Variants in MAGI1 observed in about 807,000 individuals in gnomAD.
The protein encoded by MAGI1 is membrane associated guanylate kinase, WW and PDZ domain containing 1.
A neutral mutation model predicts 139.9 loss-of-function variants in MAGI1; 58 were observed. That is an observed-to-expected ratio of 0.41 (90% CI 0.34 to 0.52). MAGI1 has a LOEUF of 0.52. Ranked by LOEUF, MAGI1 falls within the 20% of genes least tolerant of loss-of-function variation. The pLI is 0.12. For missense variants in MAGI1, 1,874 were observed against 1,901.6 expected, an observed-to-expected ratio of 0.99 and a Z score of 0.27; for synonymous variants, 812 against 737.9, an observed-to-expected ratio of 1.10 and a Z score of -1.63.
At chr3:65,921,458 G>A (rs148566514) in intron 1 of MAGI1, among the ~76,000 whole-genome samples, 13 of 151,828 alleles carry the variant, frequency 8.6e-5, no homozygotes, top group Admixed American at 5.3e-4. Flanking sequence ...ACAGATATGC[G>A]CCACCAGGCC....
chr3:65,357,065 G>C lies in MAGI1; in HGVS notation c.3702C>G (p.Pro1234=). Residue 1234 remains proline (P), a synonymous_variant, in exon 23 of 23, where the codon CCC becomes CCG. Transcript: ENST00000402939. Reference sequence around the variant, plus strand: ...CCAATGACGGATGCTGCCGGCGGTCGGGCCCGGCCCTCACTTCCGGAACAC... The same window carrying C: ...CCAATGACGGATGCTGCCGGCGGTCCGGCCCGGCCCTCACTTCCGGAACAC... ...PQGVPEVRAG[P]DRRQHPSLES... is the part of the protein sequence containing the mutation. The C allele has an allele frequency of 6.2e-7, 1 of 1,614,132 alleles. No homozygotes were observed. Among genetic ancestry groups the C allele is most frequent in the Non-Finnish European group, 8.5e-7 (1 of 1,180,026 alleles).
rs779390749 is a variant in MAGI1 at position 65,430,929 on chromosome 3, G to A, written c.1364-48C>T. On this transcript the variant is annotated intron_variant, in intron 10 of 22. Coordinates refer to ENST00000402939, the MANE Select transcript of MAGI1 (RefSeq NM_001033057.2). ...TAAGGAATGTCACCACTGGTGAAAAGGAGAATTAAACAAGATTTGAGACAA... is the reference window on the plus strand; with the variant it reads ...TAAGGAATGTCACCACTGGTGAAAAAGAGAATTAAACAAGATTTGAGACAA... The A allele has an allele frequency of 7.1e-6, 11 of 1,555,076 alleles. 1 individual carries two copies. In the Middle Eastern group the frequency reaches 6.8e-4, roughly 96 times the overall value.
intron 1 of MAGI1, among the ~76,000 whole-genome samples, chr3:65,869,188 G>A (rs942339518): frequency 2.5e-4 from 37 of 149,784 alleles, no homozygotes; most frequent in African/African-American, 6.6e-4. Context: ...CCCAGGAGGC[G>A]GAGCTTGCAG....
chr3:65,521,218 C>A (rs1211772493), intron 2 of MAGI1, among the ~76,000 whole-genome samples: 1 of 151,650 alleles, frequency 6.6e-6, no homozygotes, highest in Non-Finnish European at 1.5e-5. Flanking sequence ...CACTTTATTA[C>A]AGAGATTACG....
chr3:65,651,543 G>C (rs2085581194), intron 1 of MAGI1, among the ~76,000 whole-genome samples: 1 of 152,080 alleles, frequency 6.6e-6, no homozygotes, highest in Admixed American at 6.6e-5. Flanking sequence ...ATGTGGACCT[G>C]CACATTAAGC....
At chr3:66,010,078 A>C (rs9875890) in intron 1 of MAGI1, among the ~76,000 whole-genome samples, 4,026 of 20,802 alleles carry the variant, frequency 0.19, 81 homozygotes, top group African/African-American at 0.28. Flanking sequence ...TCTCTGTCTC[A>C]AAAAAAAAAA....
At chr3:65,432,997 T>C (rs994279649) in intron 10 of MAGI1, among the ~76,000 whole-genome samples, 3 of 152,174 alleles carry the variant, frequency 2.0e-5, no homozygotes, top group African/African-American at 4.8e-5. Flanking sequence ...CAAAAGAATA[T>C]ACATCTTACT....
rs796568514 is a variant in MAGI1, at chr3:65,387,285, CTTTAA to C, written c.2417-3667_2417-3663del. On this transcript the variant is annotated intron_variant, in intron 14 of 22. Transcript: ENST00000402939. ...AATGTACATTCTTTCTCTTAGTTCA[CTTTAA>C]TTTAGTTTTGATTGATAAGGAACAG... is the stretch of plus-strand genomic sequence containing the variant. 7.6e-6 allele frequency: 10 copies of C among 1,310,294 alleles called. No individual in the cohort carries two copies. In the African/African-American group the frequency reaches 1.0e-4, roughly 13 times the overall value. The allele number at this position is 1,310,294 out of a possible 1,614,324, so 81.2% of individuals were successfully genotyped here. A position where few individuals can be genotyped will look rare whatever the true frequency, so the allele number is the denominator to read the frequency against.
intron 1 of MAGI1, among the ~76,000 whole-genome samples, chr3:66,023,077 G>C (rs2068046251): frequency 1.3e-5 from 2 of 152,316 alleles, no homozygotes; most frequent in South Asian, 4.1e-4. Context: ...TCCAAAAGCA[G>C]TGACCACAAT....
intron 1 of MAGI1, among the ~76,000 whole-genome samples, chr3:66,012,334 T>C (rs2067365354): frequency 6.6e-6 from 1 of 152,156 alleles, no homozygotes; most frequent in Non-Finnish European, 1.5e-5. Flanking sequence ...ATACAAACTA[T>C]ACTTTATGCA....
At chr3:65,924,665 A>G (rs944306203) in intron 1 of MAGI1, among the ~76,000 whole-genome samples, 6 of 152,138 alleles carry the variant, frequency 3.9e-5, no homozygotes, top group Non-Finnish European at 8.8e-5. Context: ...CCGAAGGTCC[A>G]CCACTAAACC....
At chr3:65,820,551 A>G (rs947350283) in intron 1 of MAGI1, among the ~76,000 whole-genome samples, 1 of 152,152 alleles carries the variant, frequency 6.6e-6, no homozygotes, top group African/African-American at 2.4e-5. Context: ...TCATGAGCCT[A>G]TGGTGTCACA....
chr3:65,791,349 T>C lies in MAGI1; in HGVS notation c.314-169261A>G, dbSNP rs546124112. 5.4e-4 allele frequency among the ~76,000 whole-genome samples: 83 copies of C among 152,336 alleles called. No homozygotes were observed. The Middle Eastern group carries it at 0.024, about 44-fold the overall frequency. On this transcript the variant is annotated intron_variant, in intron 1 of 22. Transcript: ENST00000402939. ...GCCCTTCGTATCCATGAGTTCCACA[T>C]CTATGAATTCAATCAACCTTGGTTA... is the stretch of plus-strand genomic sequence containing the variant.
intron 1 of MAGI1, among the ~76,000 whole-genome samples, chr3:65,744,261 T>C (rs540149963): frequency 9.8e-5 from 15 of 152,334 alleles, no homozygotes; most frequent in African/African-American, 3.1e-4. Flanking sequence ...ATGAATAGTA[T>C]AGAATCTATA....
chr3:65,481,512 T>C (rs1329586824), intron 3 of MAGI1, among the ~76,000 whole-genome samples: 1 of 152,188 alleles, frequency 6.6e-6, no homozygotes, highest in Non-Finnish European at 1.5e-5. Context: ...ATGAATTTAA[T>C]TTTCATTCCT....
chr3:65,442,803 G>A lies in MAGI1; in HGVS notation c.1125C>T (p.Ile375=), dbSNP rs766953209. 1.2e-6 allele frequency: 2 copies of A among 1,612,540 alleles called. No homozygotes were observed. Among genetic ancestry groups the A allele is most frequent in the East Asian group, 2.2e-5 (1 of 44,774 alleles). ...GAATGGGCACTTACTCTACATAGTA[G>A]ATACCATAGACAGGGTCTTCAATCT... ...WEKIEDPVYG[I]YYVDHINRKT... Residue 375 remains isoleucine, a synonymous_variant, in exon 8 of 23, where the codon ATC becomes ATT. Transcript: ENST00000402939.
At chr3:65,923,856 A>T (rs1376216463) in intron 1 of MAGI1, among the ~76,000 whole-genome samples, 1 of 152,226 alleles carries the variant, frequency 6.6e-6, no homozygotes, top group Non-Finnish European at 1.5e-5. Context: ...TCATTACCAC[A>T]AAGAAGCAAT....
intron 1 of MAGI1, among the ~76,000 whole-genome samples, chr3:65,685,298 A>G (rs905517552): frequency 1.3e-5 from 2 of 150,750 alleles, no homozygotes; most frequent in East Asian, 3.9e-4. Context: ...ACATGCTTGT[A>G]TATTTCTTCA....
At chr3:65,395,636 C>CGAAAAA (rs1944322666) in intron 13 of MAGI1, among the ~76,000 whole-genome samples, 1 of 19,172 alleles carries the variant, frequency 5.2e-5, no homozygotes, top group African/African-American at 1.7e-4. Context: ...GACTCCATCT[C>CGAAAAA]AAAAAAAAAA....
Sources: allele counts gnomAD v4.1 joint callset (sites outside exome capture counted in the v4.1 genomes callset), GRCh38; gene constraint gnomAD v4.1.1; transcripts MANE v1.5; gene names NCBI Gene and HGNC (gene_info 2026-07-23, HGNC 2026-07-21).